The following STARD10 variants were observed in gnomAD, a reference collection of about 807,000 sequenced individuals.
STARD10 encodes the protein StAR related lipid transfer domain containing 10.
In STARD10, 24 loss-of-function variants were observed where a neutral mutation model predicts 36.0. The ratio of observed to expected loss-of-function variants is 0.67; its 90% CI spans 0.48 to 0.94. The LOEUF is 0.94. Ranked by LOEUF, STARD10 falls within the 40% of genes least tolerant of loss-of-function variation. The pLI is 0.00. For missense variants in STARD10, 335 were observed against 396.6 expected, an observed-to-expected ratio of 0.84 and a Z score of 1.32; for synonymous variants, 156 against 161.9, an observed-to-expected ratio of 0.96 and a Z score of 0.28.
At chr11:72,778,104 A>G (rs1477344188) in intron 2 of STARD10, among the ~76,000 whole-genome samples, 1 of 152,190 alleles carries the variant, frequency 6.6e-6, no homozygotes, top group Non-Finnish European at 1.5e-5. Flanking sequence ...TCCATCAAAC[A>G]AGAATAGGAT....
intron 2 of STARD10, among the ~76,000 whole-genome samples, chr11:72,779,069 A>C (rs1287039334): frequency 3.3e-5 from 5 of 152,074 alleles, no homozygotes; most frequent in Non-Finnish European, 5.9e-5. Context: ...CAGATGGAGG[A>C]GGTAGCTCCG....
chr11:72,781,949 G>T lies in STARD10; in HGVS notation c.-113-655C>A, dbSNP rs1485861896. Reference sequence around the variant, plus strand: ...CCCACCCCGCAGGGTCCTAGCGCCCGCCCCCGCCGGCCCTGGGAGGGGACC... The same window carrying T: ...CCCACCCCGCAGGGTCCTAGCGCCCTCCCCCGCCGGCCCTGGGAGGGGACC... On this transcript the variant is annotated intron_variant, in intron 1 of 6. Coordinates refer to ENST00000334805, the MANE Select transcript of STARD10 (RefSeq NM_006645.3). This position sits in a 1 kb window ranked among gnomAD's most constrained non-coding sequence, Gnocchi z 4.7. The T allele has an allele frequency of 6.6e-6, 1 of 151,880 alleles. No homozygotes were observed. The highest frequency in any genetic ancestry group is 1.5e-5 in the Non-Finnish European group (1 of 67,924). The allele number at this position is 151,880 out of a possible 1,614,324, so 9.4% of individuals were successfully genotyped here. A position where few individuals can be genotyped will look rare whatever the true frequency, so the allele number is the denominator to read the frequency against.
intron 3 of STARD10, 89 bp from the exon 4 acceptor site, chr11:72,758,722 CTAAT>C: frequency 1.1e-6 from 1 of 873,408 alleles, no homozygotes; most frequent in Non-Finnish European, 1.8e-6. Flanking sequence ...GCAGGGATGC[CTAAT>C]TAACTGCCAG....
intron 1 of STARD10, among the ~76,000 whole-genome samples, chr11:72,783,025 G>A (rs541051886): frequency 1.2e-4 from 18 of 152,248 alleles, no homozygotes; most frequent in Non-Finnish European, 2.5e-4. Context: ...AATCAGAATG[G>A]ATAACCCTAA....
At chr11:72,784,654 G>C (rs914362856) in intron 1 of STARD10, among the ~76,000 whole-genome samples, 1 of 152,162 alleles carries the variant, frequency 6.6e-6, no homozygotes, top group Non-Finnish European at 1.5e-5. Flanking sequence ...CCCCTGCTCT[G>C]CCCACTGCAG....
chr11:72,780,813 G>A, intron 2 of STARD10, 162 bp downstream of exon 2: 1 of 742,172 alleles, frequency 1.3e-6, no homozygotes, highest in Non-Finnish European at 2.3e-6. Flanking sequence ...TGTGTGATGG[G>A]GCTTGGCCCA....
chr11:72,774,131 G>A (rs543676526), intron 2 of STARD10, among the ~76,000 whole-genome samples: 17 of 152,276 alleles, frequency 1.1e-4, no homozygotes, highest in Middle Eastern at 3.4e-3. Flanking sequence ...TCAGGAAGCC[G>A]GGGGAGATGG....
intron 4 of STARD10, among the ~76,000 whole-genome samples, chr11:72,758,136 T>C (rs746902312): frequency 6.6e-6 from 1 of 152,136 alleles, no homozygotes; most frequent in Non-Finnish European, 1.5e-5. Flanking sequence ...CATGAGCACA[T>C]ATGGGCACTC....
intron 2 of STARD10, chr11:72,780,351 C>T: frequency 2.4e-6 from 1 of 415,156 alleles, no homozygotes; most frequent in South Asian, 1.6e-5. Flanking sequence ...CAGGCCCCTT[C>T]CTTCCCCAGC....
chr11:72,787,482 C>A (rs548218764), intron 1 of STARD10, among the ~76,000 whole-genome samples: 1 of 152,342 alleles, frequency 6.6e-6, no homozygotes, highest in South Asian at 2.1e-4. Context: ...AGAGGCTTGT[C>A]CCAGGTGGGC....
rs781248331 is a variant in STARD10, at chr11:72,755,179, T to G, written c.631-37A>C. On this transcript the variant is annotated intron_variant, in intron 6 of 6. Transcript: ENST00000334805. ...CCGCCCCGCCGGGTCAGGGGGTGGCTAGGGGGCAGGTCTTCTCCACACCCC... is the reference window on the plus strand; with the variant it reads ...CCGCCCCGCCGGGTCAGGGGGTGGCGAGGGGGCAGGTCTTCTCCACACCCC... 6 of 1,580,704 alleles carry G rather than the reference T, an allele frequency of 3.8e-6. No homozygotes were observed. In the South Asian group the frequency reaches 5.7e-5, roughly 15 times the overall value.
chr11:72,755,270 C>G, intron 6 of STARD10, 128 bp from the exon 7 acceptor site: 3 of 992,726 alleles, frequency 3.0e-6, no homozygotes, highest in South Asian at 1.7e-5. Flanking sequence ...CTCAGCCCTA[C>G]TTGCCCTCCC....
intron 2 of STARD10, among the ~76,000 whole-genome samples, chr11:72,767,973 C>T (rs1284408509): frequency 2.0e-5 from 3 of 152,220 alleles, no homozygotes; most frequent in Non-Finnish European, 4.4e-5. Context: ...TCAGGCCCTG[C>T]CCTGGGGGAA....
chr11:72,778,965 C>T (rs2135623478), intron 2 of STARD10, among the ~76,000 whole-genome samples: 1 of 152,340 alleles, frequency 6.6e-6, no homozygotes, highest in South Asian at 2.1e-4. Context: ...CCTGACAAGT[C>T]TGATCTGGCC....
chr11:72,773,604 G>A (rs565668814), intron 2 of STARD10, among the ~76,000 whole-genome samples: 89 of 152,270 alleles, frequency 5.8e-4, no homozygotes, highest in African/African-American at 2.0e-3. Context: ...CCCCTGTCCC[G>A]GGGCTGTCAC....
intron 2 of STARD10, among the ~76,000 whole-genome samples, chr11:72,771,801 G>C (rs995643037): frequency 6.6e-6 from 1 of 152,056 alleles, no homozygotes; most frequent in Non-Finnish European, 1.5e-5. Context: ...CTTCTATCCT[G>C]GGGGGGCGAG....
intron 1 of STARD10, among the ~76,000 whole-genome samples, chr11:72,789,660 C>A (rs1014450081): frequency 6.6e-6 from 1 of 152,128 alleles, no homozygotes; most frequent in Admixed American, 6.5e-5. Context: ...GCTCCCAGGA[C>A]CGCGTGAGGA....
At chr11:72,765,746 G>T (rs1307530728) in intron 2 of STARD10, among the ~76,000 whole-genome samples, 1 of 151,342 alleles carries the variant, frequency 6.6e-6, no homozygotes, top group East Asian at 1.9e-4. Context: ...CGAGGCGGGT[G>T]GATCATTTGA....
chr11:72,781,443 CG>C lies in STARD10; in HGVS notation c.-113-150del, dbSNP rs1445496094. 2.0e-6 allele frequency: 1 copy of C among 507,378 alleles called. No homozygotes were observed. The highest frequency in any genetic ancestry group is 3.6e-6 in the Non-Finnish European group (1 of 278,798). 31.4% of individuals were successfully genotyped at this position (507,378 alleles called of 1,614,324 possible). On this transcript the variant is annotated intron_variant, in intron 1 of 6. Coordinates refer to ENST00000334805, the MANE Select transcript of STARD10 (RefSeq NM_006645.3). The surrounding 1 kb of genome is among the most constrained non-coding windows in gnomAD (Gnocchi z 4.7). ...CTGGACAGCCTCGGGGTCCCCCTCC[CG>C]AGGAGCGCCCCAGACCCCCTGGGGC...
Sources: allele counts gnomAD v4.1 joint callset (sites outside exome capture counted in the v4.1 genomes callset), GRCh38; gene constraint gnomAD v4.1.1; non-coding constraint Gnocchi (gnomAD v3.1); transcripts MANE v1.5; gene names NCBI Gene and HGNC (gene_info 2026-07-23, HGNC 2026-07-21).